Variants in KATNIP observed in about 807,000 individuals in gnomAD.
The protein encoded by KATNIP is katanin interacting protein.
KATNIP carries 126 observed loss-of-function variants against 174.0 expected under a neutral mutation model. The observed-to-expected ratio is 0.72, with a 90% confidence interval of 0.63 to 0.84. KATNIP has a LOEUF of 0.84. Among genes scored for constraint, KATNIP ranks in the 40% least tolerant of loss-of-function variants. KATNIP has a pLI of 0.00. For synonymous variants in KATNIP, 810 were observed against 835.7 expected, an observed-to-expected ratio of 0.97 and a Z score of 0.53; for missense variants, 1,958 against 2,109.7, an observed-to-expected ratio of 0.93 and a Z score of 1.41.
chr16:27,673,966 G>T (rs1268319719), intron 6 of KATNIP, among the ~76,000 whole-genome samples: 1 of 152,078 alleles, frequency 6.6e-6, no homozygotes, highest in Non-Finnish European at 1.5e-5. Context: ...CCTACTATGT[G>T]CCAGCCAGTG....
At chr16:27,766,582 C>G in intron 20 of KATNIP, 108 bp downstream of exon 20, 1 of 1,187,838 alleles carries the variant, frequency 8.4e-7, no homozygotes, top group South Asian at 1.5e-5. Flanking sequence ...CAGAATTTTC[C>G]AAACGGAGCT....
At chr16:27,622,666 CTT>C (rs1437168364) in intron 3 of KATNIP, among the ~76,000 whole-genome samples, 1 of 152,168 alleles carries the variant, frequency 6.6e-6, no homozygotes. Flanking sequence ...TCAAGGGAAA[CTT>C]ACAGGAAAAC....
chr16:27,708,699 T>G lies in KATNIP; in HGVS notation c.1390-6T>G. 1 of 1,604,408 alleles carries G rather than the reference T, an allele frequency of 6.2e-7. No individual in the cohort carries two copies. ...ATCCTTTGGTGTTATTTTTCTCTTCTTTAAGGACAAACAGAGAATGAGGGC... is the reference window on the plus strand; with the variant it reads ...ATCCTTTGGTGTTATTTTTCTCTTCGTTAAGGACAAACAGAGAATGAGGGC... On this transcript the variant is annotated splice_polypyrimidine_tract_variant and splice_region_variant and intron_variant, in intron 12 of 27. Coordinates refer to ENST00000261588, the MANE Select transcript of KATNIP (RefSeq NM_015202.5).
chr16:27,556,670 G>A (rs1453574663), intron 1 of KATNIP, among the ~76,000 whole-genome samples: 1 of 152,146 alleles, frequency 6.6e-6, no homozygotes. Context: ...GAATTAGGAA[G>A]GTTTTGCTGA....
intron 2 of KATNIP, among the ~76,000 whole-genome samples, chr16:27,600,911 T>C (rs1311452271): frequency 6.6e-6 from 1 of 152,002 alleles, no homozygotes; most frequent in Non-Finnish European, 1.5e-5. Flanking sequence ...TTGTATTTTT[T>C]TAGTAGAGAC....
intron 4 of KATNIP, among the ~76,000 whole-genome samples, chr16:27,630,509 C>G (rs545386343): frequency 6.6e-6 from 1 of 152,332 alleles, no homozygotes; most frequent in South Asian, 2.1e-4. Context: ...GTAGCTTGAG[C>G]TCCCCAGCCC....
chr16:27,694,791 CAATA>C (rs57439444), intron 8 of KATNIP, among the ~76,000 whole-genome samples: 33 of 148,886 alleles, frequency 2.2e-4, no homozygotes, highest in Non-Finnish European at 2.7e-4. Context: ...GACCCTACCA[CAATA>C]AATAAATAAA....
chr16:27,701,801 A>C, intron 11 of KATNIP, 106 bp downstream of exon 11: 1 of 758,910 alleles, frequency 1.3e-6, no homozygotes, highest in Non-Finnish European at 2.2e-6. Flanking sequence ...CAGACCCCTT[A>C]TTTCTTTCTT....
chr16:27,592,429 A>G (rs2075205461), intron 2 of KATNIP, among the ~76,000 whole-genome samples: 1 of 151,670 alleles, frequency 6.6e-6, no homozygotes, highest in Non-Finnish European at 1.5e-5. Context: ...GATTATAAGC[A>G]TGCATGGTAA....
intron 2 of KATNIP, among the ~76,000 whole-genome samples, chr16:27,578,944 T>G (rs1447920470): frequency 6.6e-6 from 1 of 152,174 alleles, no homozygotes; most frequent in Non-Finnish European, 1.5e-5. Flanking sequence ...TAATTTCAGT[T>G]CAGCTGGTAA....
chr16:27,667,510 C>T (rs1371730758), intron 6 of KATNIP, among the ~76,000 whole-genome samples: 2 of 152,118 alleles, frequency 1.3e-5, no homozygotes, highest in East Asian at 3.8e-4. Context: ...AGACTCAAGA[C>T]ATTCAACTCC....
intron 15 of KATNIP, among the ~76,000 whole-genome samples, chr16:27,741,755 T>G (rs983796914): frequency 6.6e-6 from 1 of 151,998 alleles, no homozygotes; most frequent in East Asian, 1.9e-4. Context: ...ATACAAAAAT[T>G]AGCCAGGCAT....
At chr16:27,559,218 A>T (rs1297802316) in intron 1 of KATNIP, among the ~76,000 whole-genome samples, 1 of 152,206 alleles carries the variant, frequency 6.6e-6, no homozygotes, top group Non-Finnish European at 1.5e-5. Context: ...GGGGCTTTGC[A>T]GCTTTAACAA....
At chr16:27,636,511 T>C (rs943792921) in intron 5 of KATNIP, among the ~76,000 whole-genome samples, 1 of 152,174 alleles carries the variant, frequency 6.6e-6, no homozygotes, top group Admixed American at 6.5e-5. Flanking sequence ...CTGTGTAACC[T>C]CTCTGAGCTA....
intron 5 of KATNIP, among the ~76,000 whole-genome samples, chr16:27,638,607 C>T (rs1275649107): frequency 6.6e-6 from 1 of 152,144 alleles, no homozygotes; most frequent in South Asian, 2.1e-4. Context: ...GGACCACAGT[C>T]CTCTCCCGGT....
At position 27,740,243 on chromosome 16, in the gene KATNIP, C is replaced by G; in HGVS notation, c.1946C>G (p.Ala649Gly). The change falls in exon 15 of 28, where the codon GCC becomes GGC. Residue 649 changes from alanine to glycine, a missense_variant. Physicochemically the swap from Ala to Gly is moderately conservative, Grantham distance 60. Coordinates refer to ENST00000261588, the MANE Select transcript of KATNIP (RefSeq NM_015202.5). ...AAAGGCACCCATGAGATGGCTGGTG[C>G]CAGCGGGGACAAGGAGCTTGGTCTC... ...ESKGTHEMAG[A>G]SGDKELGLGC... 1 of 1,614,210 alleles carries G rather than the reference C, an allele frequency of 6.2e-7. No individual in the cohort carries two copies. Among genetic ancestry groups the G allele is most frequent in the Non-Finnish European group, 8.5e-7 (1 of 1,180,024 alleles).
rs2077510009 is a variant in KATNIP, at chr16:27,661,965, TATATATATATATATATATATACACATAC to T, written c.540+13252_540+13279del. 3.1e-4 allele frequency among the ~76,000 whole-genome samples: 7 copies of T among 22,612 alleles called. 2 individuals carry two copies. Among genetic ancestry groups the T allele is most frequent in the South Asian group, 4.2e-3 (2 of 474 alleles). The allele number at this position is 22,612 out of a possible 152,430, so 14.8% of individuals were successfully genotyped here. On this transcript the variant is annotated intron_variant, in intron 6 of 27. Transcript: ENST00000261588. ...ATATATATATATATATACACATACA[TATATATATATATATATATATACACATAC>T]ATATATATATATATATATATATACA...
intron 6 of KATNIP, among the ~76,000 whole-genome samples, chr16:27,675,054 A>T (rs559228144): frequency 6.6e-6 from 1 of 152,224 alleles, no homozygotes; most frequent in Non-Finnish European, 1.5e-5. Flanking sequence ...TAGGTGTAGG[A>T]TAACAGTTAA....
chr16:27,626,256 A>G (rs1223658236), intron 3 of KATNIP, among the ~76,000 whole-genome samples: 2 of 150,688 alleles, frequency 1.3e-5, no homozygotes, highest in South Asian at 4.2e-4. Flanking sequence ...CATAATGATA[A>G]CATCTGTGTA....
Sources: allele counts gnomAD v4.1 joint callset (sites outside exome capture counted in the v4.1 genomes callset), GRCh38; gene constraint gnomAD v4.1.1; transcripts MANE v1.5; gene names NCBI Gene and HGNC (gene_info 2026-07-23, HGNC 2026-07-21).